Variants in TNIK observed in about 807,000 individuals in gnomAD.
The protein encoded by TNIK is TRAF2 and NCK interacting kinase.
TNIK carries 49 observed loss-of-function variants against 191.3 expected under a neutral mutation model. The observed-to-expected ratio is 0.26, with a 90% CI of 0.20 to 0.32. The LOEUF is 0.32. Ranked by LOEUF, TNIK falls within the 10% of genes least tolerant of loss-of-function variation. The pLI is 1.00. For synonymous variants in TNIK, 594 were observed against 600.9 expected (o/e 0.99, Z 0.17); for missense variants, 1,155 against 1,702.3 (o/e 0.68, Z 5.66).
chr3:171,193,730 A>G (rs914396685), intron 5 of TNIK, among the ~76,000 whole-genome samples: 3 of 152,226 alleles, frequency 2.0e-5, no homozygotes, highest in Non-Finnish European at 4.4e-5. Context: ...CCTTAAATTA[A>G]GAAGGCAGAG....
chr3:171,142,582 G>A (rs1730988450), intron 12 of TNIK, among the ~76,000 whole-genome samples: 1 of 152,250 alleles, frequency 6.6e-6, no homozygotes, highest in African/African-American at 2.4e-5. Flanking sequence ...CGATGGGATA[G>A]AGAAGAGCAG....
At chr3:171,138,596 G>A (rs186788383) in intron 14 of TNIK, among the ~76,000 whole-genome samples, 134 of 152,140 alleles carry the variant, frequency 8.8e-4, no homozygotes, top group Non-Finnish European at 1.4e-3. Context: ...TAATGAAAAC[G>A]CTATTGCTTT....
At chr3:171,241,408 A>T (rs1168954552) in intron 2 of TNIK, among the ~76,000 whole-genome samples, 1 of 152,174 alleles carries the variant, frequency 6.6e-6, no homozygotes, top group Non-Finnish European at 1.5e-5. Context: ...ACTGAGGCTC[A>T]AAAAACCCAA....
chr3:171,069,249 A>T (rs928756873), intron 29 of TNIK, among the ~76,000 whole-genome samples: 2 of 151,976 alleles, frequency 1.3e-5, no homozygotes, highest in African/African-American at 4.8e-5. Flanking sequence ...GTAAATTTTG[A>T]TAGTGGTAAT....
chr3:171,134,083 C>T (rs887293168), intron 15 of TNIK, among the ~76,000 whole-genome samples: 2 of 151,886 alleles, frequency 1.3e-5, no homozygotes, highest in Non-Finnish European at 2.9e-5. Context: ...TATTGCCAGG[C>T]CCAGAAAATC....
chr3:171,199,842 T>G (rs1283749058), intron 4 of TNIK, among the ~76,000 whole-genome samples: 1 of 152,264 alleles, frequency 6.6e-6, no homozygotes, highest in Non-Finnish European at 1.5e-5. Context: ...CAAGATGTAT[T>G]TATGATGTTT....
intron 1 of TNIK, among the ~76,000 whole-genome samples, chr3:171,413,658 C>G (rs1363897099): frequency 1.3e-5 from 2 of 152,190 alleles, no homozygotes; most frequent in Non-Finnish European, 2.9e-5. Context: ...CCTGTGCAGA[C>G]TTTTCAGTTT....
At chr3:171,073,656 A>G (rs1440648009) in intron 28 of TNIK, among the ~76,000 whole-genome samples, 2 of 152,180 alleles carry the variant, frequency 1.3e-5, no homozygotes, top group Non-Finnish European at 2.9e-5. Context: ...AATGCAAACA[A>G]TTCAACAAGA....
At chr3:171,354,970 C>CT (rs1295028863) in intron 2 of TNIK, among the ~76,000 whole-genome samples, 7 of 152,110 alleles carry the variant, frequency 4.6e-5, no homozygotes, top group Non-Finnish European at 5.9e-5. Flanking sequence ...TGTTAGCAGA[C>CT]TTTTTTTTGT....
chr3:171,260,940 A>G (rs1195865250), intron 2 of TNIK, among the ~76,000 whole-genome samples: 1 of 152,212 alleles, frequency 6.6e-6, no homozygotes, highest in Non-Finnish European at 1.5e-5. Flanking sequence ...ATTTTCAAAT[A>G]TTTTCCTAAA....
intron 16 of TNIK, among the ~76,000 whole-genome samples, chr3:171,126,662 C>T (rs1436706170): frequency 1.3e-5 from 2 of 152,062 alleles, no homozygotes; most frequent in Admixed American, 6.5e-5. Context: ...TTAGCAATAC[C>T]CTAGATTGCA....
chr3:171,098,734 A>G (rs768726870), intron 22 of TNIK, among the ~76,000 whole-genome samples: 1 of 152,180 alleles, frequency 6.6e-6, no homozygotes, highest in Non-Finnish European at 1.5e-5. Context: ...AACAAAAAAT[A>G]AAGGTAATAA....
chr3:171,455,349 T>A (rs1010196158), intron 1 of TNIK, among the ~76,000 whole-genome samples: 1 of 151,630 alleles, frequency 6.6e-6, no homozygotes, highest in Admixed American at 6.6e-5. Flanking sequence ...GCTCAAACTA[T>A]CTTCCCACCT....
intron 2 of TNIK, among the ~76,000 whole-genome samples, chr3:171,304,044 A>C (rs1440711693): frequency 1.6e-5 from 1 of 62,770 alleles, no homozygotes; most frequent in Non-Finnish European, 3.1e-5. Context: ...CCATGAGAGG[A>C]GGTGGGGGTG....
intron 2 of TNIK, among the ~76,000 whole-genome samples, chr3:171,271,184 C>A (rs1166343591): frequency 1.3e-5 from 2 of 152,196 alleles, no homozygotes; most frequent in African/African-American, 4.8e-5. Flanking sequence ...TGCAACAATT[C>A]TTTTCTAATT....
At chr3:171,303,877 C>T (rs1436007742) in intron 2 of TNIK, among the ~76,000 whole-genome samples, 1 of 152,100 alleles carries the variant, frequency 6.6e-6, no homozygotes, top group East Asian at 1.9e-4. Flanking sequence ...ACACCAGGAC[C>T]TATATTATGA....
chr3:171,288,173 A>T lies in TNIK; in HGVS notation c.124-59952T>A, dbSNP rs1187217160. 5.2e-3 allele frequency among the ~76,000 whole-genome samples: 293 copies of T among 56,758 alleles called. 1 individual carries two copies. The highest frequency in any genetic ancestry group is 7.5e-3 in the Admixed American group (27 of 3,602). The allele number at this position is 56,758 out of a possible 152,430, so 37.2% of individuals were successfully genotyped here. ...TCACACTCTGGGGACTGTGGTGGGG[A>T]GGGGGGAGGGGGGAGGGATAGCATT... On this transcript the variant is annotated intron_variant, in intron 2 of 32. Coordinates refer to ENST00000436636, the MANE Select transcript of TNIK (RefSeq NM_015028.4).
intron 17 of TNIK, among the ~76,000 whole-genome samples, chr3:171,124,107 G>A (rs1728151364): frequency 6.6e-6 from 1 of 152,172 alleles, no homozygotes; most frequent in Non-Finnish European, 1.5e-5. Flanking sequence ...GATGAAGCAA[G>A]TTCCACTTTT....
intron 2 of TNIK, among the ~76,000 whole-genome samples, chr3:171,347,422 A>C (rs1312384659): frequency 8.2e-6 from 1 of 121,882 alleles, no homozygotes; most frequent in Non-Finnish European, 1.8e-5. Flanking sequence ...CACACACACA[A>C]GTAAAGAGAA....
Sources: gnomAD v4.1 joint callset for allele counts (sites outside exome capture counted in the v4.1 genomes callset) on GRCh38, gnomAD v4.1.1 for gene constraint, MANE v1.5 for transcripts, NCBI Gene and HGNC (gene_info 2026-07-23, HGNC 2026-07-21) for gene names.